Variants in QKI observed in about 807,000 individuals in gnomAD.
QKI encodes KH domain-containing RNA-binding protein QKI.
A neutral mutation model predicts 39.0 loss-of-function variants in QKI; 10 were observed. That is an observed-to-expected ratio of 0.26 (90% confidence interval 0.16 to 0.43). The LOEUF is 0.43. QKI is among the 20% of genes least tolerant of loss of function. QKI has a pLI of 1.00. For synonymous variants in QKI, 204 were observed against 155.4 expected, an observed-to-expected ratio of 1.31 and a Z score of -2.33; for missense variants, 218 against 428.0, an observed-to-expected ratio of 0.51 and a Z score of 4.33.
intron 3 of QKI, among the ~76,000 whole-genome samples, chr6:163,481,537 T>A (rs920081229): frequency 1.3e-5 from 2 of 152,200 alleles, no homozygotes; most frequent in African/African-American, 4.8e-5. Flanking sequence ...CCTTCCCTCA[T>A]GTTCCCCGAA....
At chr6:163,497,733 A>C (rs1778502617) in intron 3 of QKI, among the ~76,000 whole-genome samples, 1 of 151,514 alleles carries the variant, frequency 6.6e-6, no homozygotes, top group Non-Finnish European at 1.5e-5. Flanking sequence ...TTTTTGGAAG[A>C]GTGGCATTAA....
intron 3 of QKI, among the ~76,000 whole-genome samples, chr6:163,530,552 A>C (rs1416667013): frequency 6.6e-6 from 1 of 152,218 alleles, no homozygotes; most frequent in African/African-American, 2.4e-5. Flanking sequence ...ATAATTACTA[A>C]GCTGCAAACT....
chr6:163,536,461 G>A (rs962688978), intron 4 of QKI, among the ~76,000 whole-genome samples: 12 of 152,258 alleles, frequency 7.9e-5, no homozygotes, highest in South Asian at 2.1e-4. Context: ...GCTTCCAGAC[G>A]ACAGTGGGCT....
chr6:163,425,867 A>G (rs530079157), intron 1 of QKI, among the ~76,000 whole-genome samples: 12 of 152,314 alleles, frequency 7.9e-5, no homozygotes, highest in Non-Finnish European at 1.6e-4. Context: ...GGAATTCTTG[A>G]ATTAATTTGC....
intron 3 of QKI, among the ~76,000 whole-genome samples, chr6:163,520,589 A>G (rs1225256652): frequency 6.6e-6 from 1 of 152,196 alleles, no homozygotes; most frequent in African/African-American, 2.4e-5. Flanking sequence ...ACTACCACCT[A>G]TTAGCTACAA....
At chr6:163,564,295 T>TA (rs1344697551) in intron 6 of QKI, 33 of 1,000,168 alleles carry the variant, frequency 3.3e-5, no homozygotes, top group Non-Finnish European at 3.9e-5. Flanking sequence ...GTGTACATCA[T>TA]AGAGTGTACT....
chr6:163,504,582 C>G (rs1778980548), intron 3 of QKI, among the ~76,000 whole-genome samples: 1 of 152,072 alleles, frequency 6.6e-6, no homozygotes, highest in Non-Finnish European at 1.5e-5. Flanking sequence ...CTTTTAACTT[C>G]TTGGCTGGAT....
At chr6:163,541,111 A>G (rs1301553650) in intron 4 of QKI, among the ~76,000 whole-genome samples, 2 of 152,100 alleles carry the variant, frequency 1.3e-5, no homozygotes, top group Non-Finnish European at 1.5e-5. Context: ...TTTTAAGGAC[A>G]TACATTCCTC....
chr6:163,492,761 G>T (rs1329481803), intron 3 of QKI, among the ~76,000 whole-genome samples: 1 of 152,078 alleles, frequency 6.6e-6, no homozygotes, highest in Non-Finnish European at 1.5e-5. Context: ...TGAGATTATT[G>T]AATAATAGAC....
intron 4 of QKI, among the ~76,000 whole-genome samples, chr6:163,559,523 C>G (rs1397401009): frequency 6.6e-6 from 1 of 152,070 alleles, no homozygotes; most frequent in Non-Finnish European, 1.5e-5. Context: ...ATTTCTGTGT[C>G]TTTCTAAGAT....
intron 4 of QKI, among the ~76,000 whole-genome samples, chr6:163,543,218 A>G (rs1781654590): frequency 6.6e-6 from 1 of 152,078 alleles, no homozygotes; most frequent in Admixed American, 6.6e-5. Context: ...TTAGTCCTTG[A>G]TCAAATATTG....
At chr6:163,454,025 G>C (rs991008782) in intron 1 of QKI, among the ~76,000 whole-genome samples, 2 of 151,962 alleles carry the variant, frequency 1.3e-5, no homozygotes, top group Admixed American at 6.6e-5. Flanking sequence ...TCAATAAATT[G>C]AACTTCCCCA....
At chr6:163,482,442 G>T (rs1793144219) in intron 3 of QKI, among the ~76,000 whole-genome samples, 1 of 152,012 alleles carries the variant, frequency 6.6e-6, no homozygotes, top group Non-Finnish European at 1.5e-5. Context: ...TTCAAAACTG[G>T]GAATAATGTC....
chr6:163,565,567 A>T, intron 6 of QKI: 1 of 990,202 alleles, frequency 1.0e-6, no homozygotes, highest in Non-Finnish European at 1.2e-6. Flanking sequence ...ACTTATAGAA[A>T]CTTAATTATT....
intron 3 of QKI, among the ~76,000 whole-genome samples, chr6:163,522,204 T>C (rs2071134087): frequency 6.6e-6 from 1 of 152,192 alleles, no homozygotes; most frequent in Non-Finnish European, 1.5e-5. Context: ...TGTGCTTTTA[T>C]ATAACACAGT....
At chr6:163,495,098 T>C (rs535070584) in intron 3 of QKI, among the ~76,000 whole-genome samples, 1 of 152,102 alleles carries the variant, frequency 6.6e-6, no homozygotes, top group East Asian at 1.9e-4. Context: ...CTGTTTTTAG[T>C]AGAGACAAGG....
intron 3 of QKI, among the ~76,000 whole-genome samples, chr6:163,512,721 A>G (rs1407082359): frequency 1.3e-5 from 2 of 152,134 alleles, no homozygotes; most frequent in East Asian, 1.9e-4. Context: ...CATGGTACAT[A>G]TTGTCCAGTT....
At chr6:163,427,162 G>A (rs1788469008) in intron 1 of QKI, among the ~76,000 whole-genome samples, 1 of 148,996 alleles carries the variant, frequency 6.7e-6, no homozygotes, top group Admixed American at 6.7e-5. Context: ...TCTATGGACA[G>A]TATTGACTTT....
At chr6:163,456,383 A>T (rs1009346164) in intron 2 of QKI, among the ~76,000 whole-genome samples, 2 of 152,272 alleles carry the variant, frequency 1.3e-5, no homozygotes, top group Admixed American at 1.3e-4. Flanking sequence ...TGTATCCCTC[A>T]TAATATTGGC....
Sources: allele counts gnomAD v4.1 joint callset (sites outside exome capture counted in the v4.1 genomes callset), GRCh38; gene constraint gnomAD v4.1.1; transcripts MANE v1.5; gene names NCBI Gene and HGNC (gene_info 2026-07-23, HGNC 2026-07-21).